AMPH: variants seen among roughly 807,000 people sequenced by gnomAD.
AMPH encodes the protein amphiphysin, also known as amphiphysin (Stiff-Mann syndrome with breast cancer 128kD autoantigen).
A neutral mutation model predicts 99.1 loss-of-function variants in AMPH; 49 were observed. That is an observed-to-expected ratio of 0.49 (90% CI 0.39 to 0.63). AMPH has a LOEUF of 0.63. Ranked by LOEUF, AMPH falls within the 20% of genes least tolerant of loss-of-function variation. AMPH has a pLI of 0.00. For missense variants in AMPH, 759 were observed against 863.4 expected (o/e 0.88, Z 1.52); for synonymous variants, 314 against 317.3 (o/e 0.99, Z 0.11).
intron 1 of AMPH, among the ~76,000 whole-genome samples, chr7:38,563,134 G>GATGAATGAATGAATGAATGAATGA (rs10665097): frequency 6.6e-6 from 1 of 150,436 alleles, no homozygotes; most frequent in Admixed American, 6.6e-5. Context: ...AGCACTGAAT[G>GATGAATGAATGAATGAATGAATGA]ATGAATGAAT....
intron 18 of AMPH, among the ~76,000 whole-genome samples, chr7:38,392,376 T>A (rs1784530213): frequency 1.1e-5 from 1 of 94,880 alleles, no homozygotes; most frequent in Admixed American, 1.5e-4. Flanking sequence ...CCGGCCTGGT[T>A]CTTTTTTTTT....
At chr7:38,445,878 T>C (rs2129000875) in intron 11 of AMPH, among the ~76,000 whole-genome samples, 1 of 152,274 alleles carries the variant, frequency 6.6e-6, no homozygotes, top group East Asian at 1.9e-4. Flanking sequence ...CCATCCTCCC[T>C]TGGTACTGTA....
intron 1 of AMPH, among the ~76,000 whole-genome samples, chr7:38,540,986 G>A (rs1337025525): frequency 4.6e-5 from 6 of 130,942 alleles, no homozygotes; most frequent in African/African-American, 1.7e-4. Context: ...CTTTAACAAG[G>A]AGACACCTTT....
chr7:38,433,724 C>CAAAAAAAAAAAAA (rs570503359), intron 12 of AMPH, among the ~76,000 whole-genome samples: 3 of 53,194 alleles, frequency 5.6e-5, no homozygotes, highest in African/African-American at 9.1e-5. Context: ...GACTCCGTCT[C>CAAAAAAAAAAAAA]AAAAAAAAAA....
chr7:38,460,437 C>G (rs1787395947), intron 11 of AMPH, among the ~76,000 whole-genome samples: 1 of 152,124 alleles, frequency 6.6e-6, no homozygotes, highest in African/African-American at 2.4e-5. Flanking sequence ...AGAGAATCAA[C>G]CTAAGTGTCC....
intron 17 of AMPH, among the ~76,000 whole-genome samples, chr7:38,401,838 A>G (rs2299943): frequency 0.058 from 8,846 of 152,222 alleles, 355 homozygotes; most frequent in East Asian, 0.19. Flanking sequence ...AATTCCATCA[A>G]CTAGGAAAAC....
At chr7:38,431,188 T>C (rs1018751073) in intron 13 of AMPH, among the ~76,000 whole-genome samples, 6 of 152,218 alleles carry the variant, frequency 3.9e-5, no homozygotes, top group African/African-American at 1.4e-4. Flanking sequence ...TAGTTATCCT[T>C]ACACATCAGA....
At position 38,384,910 on chromosome 7, in the gene AMPH, C is replaced by A. The variant is rs776256855; in HGVS notation, c.1996G>T (p.Val666Leu). The stretch of plus-strand genomic sequence containing the variant: ...AGCCAGTCTGATTCCTTCACTCCCA[C>A]CAGCCAGCCTGCATCCTGAAAAACA... ...SEADQDAGWL[V>L]GVKESDWLQY... Residue 666 changes from valine to leucine, a missense_variant, in exon 21 of 21, where the codon GTG (valine) becomes TTG (leucine). Physicochemically the swap from Val to Leu is conservative, Grantham distance 32 (BLOSUM62 1). Around this residue, in one of 2 missense-constraint regions of AMPH, gnomAD observed 554 missense variants for 575.6 expected, o/e 0.96. Transcript: ENST00000356264. The A allele has an allele frequency of 2.2e-5, 36 of 1,613,542 alleles. No homozygotes were observed. The South Asian group carries it at 2.7e-4, about 12-fold the overall frequency.
intron 1 of AMPH, among the ~76,000 whole-genome samples, chr7:38,605,772 G>A (rs536150820): frequency 2.8e-4 from 43 of 152,116 alleles, no homozygotes; most frequent in African/African-American, 1.0e-3. Context: ...AGTAGAGACA[G>A]GGTTTCACTA....
At chr7:38,537,263 T>C (rs928640786) in intron 1 of AMPH, among the ~76,000 whole-genome samples, 3 of 152,110 alleles carry the variant, frequency 2.0e-5, no homozygotes, top group African/African-American at 7.2e-5. Flanking sequence ...TCTGATTGAG[T>C]GGCTCACATG....
At chr7:38,611,648 C>A (rs1350678401) in intron 1 of AMPH, among the ~76,000 whole-genome samples, 3 of 152,198 alleles carry the variant, frequency 2.0e-5, no homozygotes, top group Non-Finnish European at 4.4e-5. Flanking sequence ...GGCTTCTGTA[C>A]CCTGGCTGGA....
At chr7:38,408,252 GA>G (rs1785108785) in intron 17 of AMPH, among the ~76,000 whole-genome samples, 1 of 152,170 alleles carries the variant, frequency 6.6e-6, no homozygotes, top group African/African-American at 2.4e-5. Context: ...GTTTGACAAA[GA>G]ATGTGAGTGT....
chr7:38,463,183 A>T, intron 9 of AMPH, 70 bp from the exon 10 acceptor site: 1 of 1,604,362 alleles, frequency 6.2e-7, no homozygotes, highest in Non-Finnish European at 8.5e-7. Context: ...GGGGTTTTCC[A>T]TTTCAGAGAA....
chr7:38,625,594 C>T (rs993809621), intron 1 of AMPH, among the ~76,000 whole-genome samples: 1 of 152,088 alleles, frequency 6.6e-6, no homozygotes, highest in Non-Finnish European at 1.5e-5. Context: ...ATCCTGAATA[C>T]ATAGAAAACT....
intron 7 of AMPH, among the ~76,000 whole-genome samples, chr7:38,471,377 T>C: frequency 6.6e-6 from 1 of 152,204 alleles, no homozygotes; most frequent in East Asian, 1.9e-4. Context: ...CATCTCTATC[T>C]ATATAATCTA....
At position 38,436,434 on chromosome 7, in the gene AMPH, A is replaced by G. The variant is rs373018630; in HGVS notation, c.1018-46T>C. ...ACAAAATAAAACATGTATTAGCTTGAATCTGATAAGACCATGATATAGCCC... is the reference window on the plus strand; with the variant it reads ...ACAAAATAAAACATGTATTAGCTTGGATCTGATAAGACCATGATATAGCCC... On this transcript the variant is annotated intron_variant, in intron 11 of 20. Transcript: ENST00000356264. 686 of 1,400,982 alleles carry G rather than the reference A, an allele frequency of 4.9e-4. 1 individual carries two copies. The highest frequency in any genetic ancestry group is 1.0e-3 in the Admixed American group (62 of 59,654). 86.8% of individuals were successfully genotyped at this position (1,400,982 alleles called of 1,614,324 possible). A position where few individuals can be genotyped will look rare whatever the true frequency, so the allele number is the denominator to read the frequency against.
intron 1 of AMPH, among the ~76,000 whole-genome samples, chr7:38,597,044 C>T (rs1371061125): frequency 6.6e-6 from 1 of 152,154 alleles, no homozygotes; most frequent in African/African-American, 2.4e-5. Context: ...TTTGATTTTA[C>T]ATCATTTCAT....
intron 11 of AMPH, among the ~76,000 whole-genome samples, chr7:38,446,240 C>T (rs1786772302): frequency 6.6e-6 from 1 of 152,216 alleles, no homozygotes; most frequent in Admixed American, 6.5e-5. Flanking sequence ...ACAAACACTT[C>T]AGAAAATCTG....
intron 1 of AMPH, among the ~76,000 whole-genome samples, chr7:38,589,205 GT>G (rs1206404872): frequency 1.3e-5 from 2 of 152,184 alleles, no homozygotes; most frequent in Admixed American, 1.3e-4. Flanking sequence ...AACTGCAAGT[GT>G]GAGCAGAACA....
Sources: gnomAD v4.1 joint callset for allele counts (sites outside exome capture counted in the v4.1 genomes callset) on GRCh38, gnomAD v4.1.1 for gene constraint, gnomAD v4.1.1 regional missense constraint, MANE v1.5 for transcripts, NCBI Gene and HGNC (gene_info 2026-07-23, HGNC 2026-07-21) for gene names.